HPS6: variants seen among roughly 807,000 people sequenced by gnomAD.
HPS6 encodes the protein HPS6 biogenesis of lysosomal organelles complex 2 subunit 3, also known as BLOC-2 complex member HPS6.
A neutral mutation model predicts 53.6 loss-of-function variants in HPS6; 46 were observed. The ratio of observed to expected loss-of-function variants is 0.86; its 90% CI spans 0.68 to 1.10. The LOEUF (loss-of-function observed/expected upper bound fraction) is 1.10. HPS6 is among the 50% of genes least tolerant of loss of function. HPS6 has a pLI of 0.00. For missense variants in HPS6, 1,034 were observed against 991.3 expected (o/e 1.04, Z -0.58); for synonymous variants, 535 against 470.8 (o/e 1.14, Z -1.77).
rs756521666 is a variant in HPS6 at position 102,066,206 on chromosome 10, A to T, written c.732A>T (p.Gly244=). The T allele has an allele frequency of 6.2e-7, 1 of 1,613,778 alleles. No individual in the cohort carries two copies. ...GLSYSKSLNP[G]RGDTWDFRTL... Reference sequence around the variant, plus strand: ...CCTACAGTAAGAGTCTGAATCCTGGACGAGGGGACACATGGGACTTCCGGA... The same window carrying T: ...CCTACAGTAAGAGTCTGAATCCTGGTCGAGGGGACACATGGGACTTCCGGA... Residue 244 remains glycine (G), a synonymous_variant, in exon 1 of 1, where the codon GGA becomes GGT. Coordinates refer to ENST00000299238, the MANE Select transcript of HPS6 (RefSeq NM_024747.6).
Position 102,066,029 on chromosome 10 carries a change from G to A in HPS6, c.555G>A (p.Leu185=), listed in dbSNP as rs1175380767. The part of the protein sequence containing the change: ...STSLGRTHVL[L]HHCPAFGLLA... ...GCCTGGGCCGCACACACGTCCTGCT[G>A]CACCACTGCCCTGCCTTCGGGCTGC... The change falls in exon 1 of 1, where the codon CTG becomes CTA. Residue 185 remains leucine, a synonymous_variant. Transcript: ENST00000299238. The A allele has an allele frequency of 6.2e-6, 10 of 1,607,036 alleles. No individual in the cohort carries two copies. The highest frequency in any genetic ancestry group is 1.3e-5 in the African/African-American group (1 of 74,952).
Position 102,067,884 on chromosome 10 carries a change from C to T in HPS6, c.*82C>T, listed in dbSNP as rs1457473960. The T allele has an allele frequency of 2.7e-6, 4 of 1,461,852 alleles. No homozygotes were observed. Among genetic ancestry groups the T allele is most frequent in the African/African-American group, 1.4e-5 (1 of 71,966 alleles). 90.6% of individuals were successfully genotyped at this position (1,461,852 alleles called of 1,614,324 possible). On this transcript the variant is annotated 3_prime_UTR_variant, in exon 1 of 1. Transcript: ENST00000299238. ...TTGCTTGGACAGTTCCTCTGTGTCACTGACACAGGAAATCATTTCTAGGAC... is the reference window on the plus strand; with the variant it reads ...TTGCTTGGACAGTTCCTCTGTGTCATTGACACAGGAAATCATTTCTAGGAC...
At position 102,066,048 on chromosome 10, in the gene HPS6, G is replaced by T. The variant is rs1283092358; in HGVS notation, c.574G>T (p.Gly192Trp). The stretch of plus-strand genomic sequence containing the variant: ...CCTGCTGCACCACTGCCCTGCCTTC[G>T]GGCTGCTGGCCTCCTGCAGACAACT... ...HVLLHHCPAF[G>W]LLASCRQLFL... The change falls in exon 1 of 1, where the codon GGG (glycine) becomes TGG (tryptophan). Residue 192 changes from glycine to tryptophan, a missense_variant. Transcript: ENST00000299238. The T allele has an allele frequency of 6.2e-7, 1 of 1,609,748 alleles. No homozygotes were observed. Among genetic ancestry groups the T allele is most frequent in the African/African-American group, 1.3e-5 (1 of 75,062 alleles).
At position 102,065,703 on chromosome 10, in the gene HPS6, T is replaced by A. The variant is rs1272986563; in HGVS notation, c.229T>A (p.Ser77Thr). 1 of 1,510,366 alleles carries A rather than the reference T, an allele frequency of 6.6e-7. No homozygotes were observed. The highest frequency in any genetic ancestry group is 2.1e-5 in the Admixed American group (1 of 48,396). 93.6% of individuals were successfully genotyped at this position (1,510,366 alleles called of 1,614,324 possible). A position where few individuals can be genotyped will look rare whatever the true frequency, so the allele number is the denominator to read the frequency against. ...GCGGGCCTGGCCGGCCGGCCAGCCC[T>A]CCCCGCTGGACGCCTTCTTCCTGCC... Reference protein sequence around the residue: ...LERAWPAGQPSPLDAFFLPWP... With the variant: ...LERAWPAGQPTPLDAFFLPWP... Residue 77 changes from serine to threonine, a missense_variant, in exon 1 of 1, where the codon TCC becomes ACC. Coordinates refer to ENST00000299238, the MANE Select transcript of HPS6 (RefSeq NM_024747.6).
Position 102,066,269 on chromosome 10 carries a change from G to A in HPS6, c.795G>A (p.Arg265=). The A allele has an allele frequency of 6.2e-7, 1 of 1,613,996 alleles. No homozygotes were observed. Among genetic ancestry groups the A allele is most frequent in the South Asian group, 1.1e-5 (1 of 91,080 alleles). The stretch of plus-strand genomic sequence containing the variant: ...GCCTTCCTGGGTTGCTGTCCCCCAG[G>A]GAGCCACTGGCTGTACACACCTGGG... ...LRGLPGLLSP[R]EPLAVHTWAP... is the part of the protein sequence containing the mutation. The change falls in exon 1 of 1, where the codon AGG becomes AGA. Residue 265 remains arginine, a synonymous_variant. Transcript: ENST00000299238.
At position 102,066,068 on chromosome 10, in the gene HPS6, A is replaced by C. The variant is rs890991367; in HGVS notation, c.594A>C (p.Arg198Ser). The stretch of plus-strand genomic sequence containing the variant: ...CCTTCGGGCTGCTGGCCTCCTGCAG[A>C]CAACTCTTCCTGGTGCCCACTGCCA... ...CPAFGLLASCRQLFLVPTATT... is the reference protein window; with the variant it reads ...CPAFGLLASCSQLFLVPTATT... The change falls in exon 1 of 1, where the codon AGA becomes AGC. Residue 198 changes from arginine to serine, a missense_variant. Physicochemically the swap from Arg to Ser is moderately radical, Grantham distance 110 (BLOSUM62 -1). Transcript: ENST00000299238. 6.2e-7 allele frequency: 1 copy of C among 1,612,010 alleles called. No individual in the cohort carries two copies. Among genetic ancestry groups the C allele is most frequent in the East Asian group, 2.2e-5 (1 of 44,874 alleles).
In HPS6 at chr10:102,066,704, CT is replaced by C. The variant is rs2067973065; in HGVS notation, c.1231del (p.Tyr411ThrfsTer16). ...TGGTGTTTGAGGAGGCCTGCGGGTA[CT>C]ACCAGCGGCGGAGCCTGCGGGGTGC... Reference protein sequence around the residue: ...DLVFEEACGYYQRRSLRGAQL... With the variant: ...DLVFEEACGYXQRRSLRGAQL... On this transcript the variant is annotated frameshift_variant, in exon 1 of 1. Transcript: ENST00000299238. LOFTEE classifies it high-confidence loss of function. The C allele has an allele frequency of 3.1e-6, 5 of 1,613,790 alleles. No individual in the cohort carries two copies. The Admixed American group carries it at 8.3e-5, about 27-fold the overall frequency.
In HPS6 at chr10:102,067,469, G is replaced by A; in HGVS notation, c.1995G>A (p.Leu665=). Residue 665 remains leucine, a synonymous_variant, in exon 1 of 1, where the codon CTG becomes CTA. Transcript: ENST00000299238. ...TGGCCCTCGGCCCCTCCAGTCCCCT[G>A]CTTCGAAGTGAAATCTTCAAACTGC... ...AGLALGPSSP[L]LRSEIFKLLL... is the part of the protein sequence containing the mutation. The A allele has an allele frequency of 3.7e-6, 6 of 1,613,576 alleles. No homozygotes were observed. The highest frequency in any genetic ancestry group is 5.1e-6 in the Non-Finnish European group (6 of 1,180,000).
At position 102,065,401 on chromosome 10, in the gene HPS6, C is replaced by G. The variant is rs996981970; in HGVS notation, c.-74C>G. ...GAAGTCTTGGCCCTGCTCCGCTCCC[C>G]CGAGAATCGGGCCTCGCCCTGCTGG... On this transcript the variant is annotated 5_prime_UTR_variant, in exon 1 of 1. Coordinates refer to ENST00000299238, the MANE Select transcript of HPS6 (RefSeq NM_024747.6). 4.8e-6 allele frequency: 7 copies of G among 1,452,422 alleles called. No individual in the cohort carries two copies. The highest frequency in any genetic ancestry group is 4.7e-5 in the Admixed American group (2 of 43,000). 90.0% of individuals were successfully genotyped at this position (1,452,422 alleles called of 1,614,324 possible).
Position 102,066,970 on chromosome 10 carries a change from T to C in HPS6, c.1496T>C (p.Ile499Thr). 6.2e-7 allele frequency: 1 copy of C among 1,614,120 alleles called. No homozygotes were observed. Among genetic ancestry groups the C allele is most frequent in the Non-Finnish European group, 8.5e-7 (1 of 1,180,014 alleles). The change falls in exon 1 of 1, where the codon ATA (isoleucine) becomes ACA (threonine). Residue 499 changes from isoleucine to threonine, a missense_variant. Physicochemically the swap from Ile to Thr is moderately conservative, Grantham distance 89. Transcript: ENST00000299238. Reference sequence around the variant, plus strand: ...GCACGCCTGCTGAGGACTGAGTTGATAGGAGACCAGCTAGCCCAGCTCAAC... The same window carrying C: ...GCACGCCTGCTGAGGACTGAGTTGACAGGAGACCAGCTAGCCCAGCTCAAC... Reference protein sequence around the residue: ...EVARLLRTELIGDQLAQLNTV... With the variant: ...EVARLLRTELTGDQLAQLNTV...
rs1465531602 is a variant in HPS6, at chr10:102,067,923, A to T, written c.*121A>T. On this transcript the variant is annotated 3_prime_UTR_variant, in exon 1 of 1. Coordinates refer to ENST00000299238, the MANE Select transcript of HPS6 (RefSeq NM_024747.6). Reference sequence around the variant, plus strand: ...CATTTCTAGGACACAGTGATCAGGGAAGGGTGCCTGGGACTTGGAGGGTCC... The same window carrying T: ...CATTTCTAGGACACAGTGATCAGGGTAGGGTGCCTGGGACTTGGAGGGTCC... The T allele has an allele frequency of 2.4e-6, 3 of 1,239,906 alleles. No homozygotes were observed. Among genetic ancestry groups the T allele is most frequent in the Admixed American group, 1.8e-5 (1 of 55,484 alleles). The allele number at this position is 1,239,906 out of a possible 1,614,324, so 76.8% of individuals were successfully genotyped here. A position where few individuals can be genotyped will look rare whatever the true frequency, so the allele number is the denominator to read the frequency against.
At position 102,066,588 on chromosome 10, in the gene HPS6, C is replaced by G; in HGVS notation, c.1114C>G (p.Arg372Gly). 6.2e-7 allele frequency: 1 copy of G among 1,614,082 alleles called. No individual in the cohort carries two copies. Among genetic ancestry groups the G allele is most frequent in the Non-Finnish European group, 8.5e-7 (1 of 1,180,042 alleles). ...GGAGGATGAGGAAGAGCTGGAGACC[C>G]GAGGGAATCTTCGTCTGCTTTCAGC... ...GMEDEEELET[R>G]GNLRLLSALG... The change falls in exon 1 of 1, where the codon CGA (arginine) becomes GGA (glycine). Residue 372 changes from arginine (R) to glycine (G), a missense_variant. Arg to Gly is a moderately radical substitution (Grantham distance 125). Transcript: ENST00000299238.
In HPS6 at chr10:102,066,466, C is replaced by T. The variant is rs768377685; in HGVS notation, c.992C>T (p.Thr331Ile). 4 of 1,614,174 alleles carry T rather than the reference C, an allele frequency of 2.5e-6. No homozygotes were observed. In the South Asian group the frequency reaches 4.4e-5, roughly 18 times the overall value. Reference sequence around the variant, plus strand: ...ACTCTGGCCTGTGTGCTGGGCTCCACATTGGAACTGCTGGACATGGGCAGT... The same window carrying T: ...ACTCTGGCCTGTGTGCTGGGCTCCATATTGGAACTGCTGGACATGGGCAGT... ...QGTLACVLGSTLELLDMGSGQ... is the reference protein window; with the variant it reads ...QGTLACVLGSILELLDMGSGQ... Residue 331 changes from threonine (T) to isoleucine (I), a missense_variant, in exon 1 of 1, where the codon ACA becomes ATA. By Grantham distance (89) the Thr-to-Ile change is moderately conservative. Coordinates refer to ENST00000299238, the MANE Select transcript of HPS6 (RefSeq NM_024747.6).
chr10:102,067,776 C>A lies in HPS6; in HGVS notation c.2302C>A (p.Pro768Thr), dbSNP rs377009742. 2 of 1,613,110 alleles carry A rather than the reference C, an allele frequency of 1.2e-6. No individual in the cohort carries two copies. Among genetic ancestry groups the A allele is most frequent in the Non-Finnish European group, 1.7e-6 (2 of 1,180,022 alleles). Reference protein sequence around the residue: ...EDILWDPSTPPPTPPRDL With the variant: ...EDILWDPSTPTPTPPRDL ...CATCCTATGGGACCCCAGCACTCCA[C>A]CCCCGACTCCACCTCGGGACCTATG... The change falls in exon 1 of 1, where the codon CCC becomes ACC. Residue 768 changes from proline (P) to threonine (T), a missense_variant. By Grantham distance (38) the Pro-to-Thr change is conservative. Transcript: ENST00000299238.
rs1484439698 is a variant in HPS6 at position 102,065,960 on chromosome 10, T to A, written c.486T>A (p.Cys162Ter). 2 of 1,594,886 alleles carry A rather than the reference T, an allele frequency of 1.3e-6. No homozygotes were observed. The highest frequency in any genetic ancestry group is 8.5e-7 in the Non-Finnish European group (1 of 1,178,380). Residue 162 changes from cysteine (C) to a stop codon, truncating the protein, a stop_gained, in exon 1 of 1, where the codon TGT becomes TGA. Transcript: ENST00000299238. LOFTEE classifies it high-confidence loss of function. Reference sequence around the variant, plus strand: ...CGCCAGCAGCCGCTTTCAGCCACTGTGTGTGCGTCCGGACTCTGGAGCCCA... The same window carrying A: ...CGCCAGCAGCCGCTTTCAGCCACTGAGTGTGCGTCCGGACTCTGGAGCCCA... Reference protein sequence around the residue: ...SGSPAAAFSHCVCVRTLEPSG... With the variant: ...SGSPAAAFSH
rs2067984016 is a variant in HPS6 at position 102,067,940 on chromosome 10, GGA to G, written c.*140_*141del. The G allele has an allele frequency of 3.0e-6, 3 of 1,008,182 alleles. No homozygotes were observed. The Admixed American group carries it at 5.7e-5, about 19-fold the overall frequency. 62.5% of individuals were successfully genotyped at this position (1,008,182 alleles called of 1,614,324 possible). ...GATCAGGGAAGGGTGCCTGGGACTT[GGA>G]GGGTCCCATGTATGGACCTGTGTAT... is the stretch of plus-strand genomic sequence containing the variant. On this transcript the variant is annotated 3_prime_UTR_variant, in exon 1 of 1. Transcript: ENST00000299238.
rs1242137050 is a variant in HPS6, at chr10:102,065,878, G to A, written c.404G>A (p.Arg135Gln). 1 of 1,532,172 alleles carries A rather than the reference G, an allele frequency of 6.5e-7. No homozygotes were observed. The allele number at this position is 1,532,172 out of a possible 1,614,324, so 94.9% of individuals were successfully genotyped here. Residue 135 changes from arginine (R) to glutamine (Q), a missense_variant, in exon 1 of 1, where the codon CGA (arginine) becomes CAA (glutamine). By Grantham distance (43) the Arg-to-Gln change is conservative. Transcript: ENST00000299238. ...GARVVAVAAL[R>Q]GRLVWCEERQ... The stretch of plus-strand genomic sequence containing the variant: ...CGCGTTGTGGCAGTGGCGGCGCTCC[G>A]AGGCCGCCTGGTGTGGTGCGAGGAG...
In HPS6 at chr10:102,066,468, T is replaced by C. The variant is rs778765863; in HGVS notation, c.994T>C (p.Leu332=). 6 of 1,614,104 alleles carry C rather than the reference T, an allele frequency of 3.7e-6. No individual in the cohort carries two copies. Among genetic ancestry groups the C allele is most frequent in the Non-Finnish European group, 5.1e-6 (6 of 1,180,006 alleles). The change falls in exon 1 of 1, where the codon TTG becomes CTG. Residue 332 remains leucine (L), a synonymous_variant. Transcript: ENST00000299238. The part of the protein sequence containing the change: ...GTLACVLGST[L]ELLDMGSGQL... ...TCTGGCCTGTGTGCTGGGCTCCACA[T>C]TGGAACTGCTGGACATGGGCAGTGG...
In HPS6 at chr10:102,065,735, A is replaced by C; in HGVS notation, c.261A>C (p.Pro87=). 1 of 1,501,712 alleles carries C rather than the reference A, an allele frequency of 6.7e-7. No individual in the cohort carries two copies. Among genetic ancestry groups the C allele is most frequent in the Non-Finnish European group, 8.8e-7 (1 of 1,133,220 alleles). The allele number at this position is 1,501,712 out of a possible 1,614,324, so 93.0% of individuals were successfully genotyped here. Reference sequence around the variant, plus strand: ...TGGACGCCTTCTTCCTGCCGTGGCCAGCGCGGCCGGCGCTGGTGCTGGTGT... The same window carrying C: ...TGGACGCCTTCTTCCTGCCGTGGCCCGCGCGGCCGGCGCTGGTGCTGGTGT... ...SPLDAFFLPW[P]ARPALVLVWE... Residue 87 remains proline (P), a synonymous_variant, in exon 1 of 1, where the codon CCA becomes CCC. Transcript: ENST00000299238.
Sources: gnomAD v4.1 joint callset for allele counts on GRCh38, gnomAD v4.1.1 for gene constraint, MANE v1.5 for transcripts, NCBI Gene and HGNC (gene_info 2026-07-23, HGNC 2026-07-21) for gene names.